TRIM33: variants seen among roughly 807,000 people sequenced by gnomAD.
TRIM33 encodes tripartite motif containing 33, also known as E3 ubiquitin-protein ligase TRIM33.
TRIM33 carries 20 observed loss-of-function variants against 125.4 expected under a neutral mutation model. The observed-to-expected ratio is 0.16, with a 90% CI of 0.11 to 0.23. TRIM33 has a LOEUF of 0.23. TRIM33 is among the 10% of genes least tolerant of loss of function. The pLI, the probability that TRIM33 is intolerant of heterozygous loss-of-function variation, is 1.00. For synonymous variants in TRIM33, 564 were observed against 513.9 expected (o/e 1.10, Z -1.32); for missense variants, 920 against 1,411.4 (o/e 0.65, Z 5.58).
At chr1:114,410,142 T>C (rs1652491960) in intron 12 of TRIM33, 42 bp downstream of exon 12, 1 of 1,610,866 alleles carries the variant, frequency 6.2e-7, no homozygotes, top group Non-Finnish European at 8.5e-7. Context: ...GACACTGTTT[T>C]TTTAAGGTGT....
At chr1:114,471,654 A>C (rs1230528660) in intron 1 of TRIM33, among the ~76,000 whole-genome samples, 1 of 152,148 alleles carries the variant, frequency 6.6e-6, no homozygotes, top group Non-Finnish European at 1.5e-5. Context: ...AGGTAAAACA[A>C]AAACAAACAG....
chr1:114,454,188 T>C lies in TRIM33; in HGVS notation c.923+8916A>G, dbSNP rs1449435983. ...GATCAATTGAATGACCCTGGCTTAC[T>C]AAAACAGGTGGTTTGCGAAGAGGGA... On this transcript the variant is annotated intron_variant, in intron 4 of 19. Transcript: ENST00000358465. Among the ~76,000 whole-genome samples the C allele has an allele frequency of 2.6e-5, 4 of 152,186 alleles. No homozygotes were observed. The East Asian group carries it at 7.7e-4, about 29-fold the overall frequency.
intron 4 of TRIM33, among the ~76,000 whole-genome samples, chr1:114,441,324 A>G (rs1032157432): frequency 6.6e-6 from 1 of 152,230 alleles, no homozygotes; most frequent in African/African-American, 2.4e-5. Flanking sequence ...TGTAGTCATT[A>G]TTTATATGAA....
Position 114,397,936 on chromosome 1 carries a change from T to C in TRIM33, c.3171+4A>G. Reference sequence around the variant, plus strand: ...ACCAAGTTTGCATGGTCTGAAAAGCTTACCTTCAAATTAATCTCTTGTGTG... The same window carrying C: ...ACCAAGTTTGCATGGTCTGAAAAGCCTACCTTCAAATTAATCTCTTGTGTG... On this transcript the variant is annotated splice_donor_region_variant and intron_variant, in intron 19 of 19. Coordinates refer to ENST00000358465, the MANE Select transcript of TRIM33 (RefSeq NM_015906.4). 1 of 1,613,916 alleles carries C rather than the reference T, an allele frequency of 6.2e-7. No individual in the cohort carries two copies. The highest frequency in any genetic ancestry group is 8.5e-7 in the Non-Finnish European group (1 of 1,179,914).
intron 4 of TRIM33, among the ~76,000 whole-genome samples, chr1:114,451,194 T>C (rs1417347697): frequency 6.6e-6 from 1 of 152,166 alleles, no homozygotes; most frequent in Non-Finnish European, 1.5e-5. Context: ...TCTGATTTTA[T>C]TTCTCCAGAG....
chr1:114,464,643 C>G (rs757298256), intron 1 of TRIM33, among the ~76,000 whole-genome samples: 1 of 152,102 alleles, frequency 6.6e-6, no homozygotes, highest in Non-Finnish European at 1.5e-5. Flanking sequence ...ATAATTGCCC[C>G]AAAAGAAATC....
At position 114,421,417 on chromosome 1, in the gene TRIM33, A is replaced by C. The variant is rs920497628; in HGVS notation, c.2061+19T>G. ...TTAACATTAAGTTTAATGAAGCCTC[A>C]TTCAACTCAAATACAAACCTGTATG... On this transcript the variant is annotated intron_variant, in intron 11 of 19. Coordinates refer to ENST00000358465, the MANE Select transcript of TRIM33 (RefSeq NM_015906.4). 1 of 1,607,044 alleles carries C rather than the reference A, an allele frequency of 6.2e-7. No homozygotes were observed. The highest frequency in any genetic ancestry group is 8.5e-7 in the Non-Finnish European group (1 of 1,173,676).
intron 1 of TRIM33, among the ~76,000 whole-genome samples, chr1:114,498,118 C>A: frequency 8.3e-6 from 1 of 121,136 alleles, no homozygotes; most frequent in African/African-American, 3.4e-5. Flanking sequence ...CAGACTGAGA[C>A]TCTGTCTCAA....
At chr1:114,469,217 G>C (rs1383657662) in intron 1 of TRIM33, 3 of 178,004 alleles carry the variant, frequency 1.7e-5, no homozygotes, top group Non-Finnish European at 3.7e-5. Flanking sequence ...ATAATCTGTT[G>C]CAAGTACAAA....
At chr1:114,495,863 T>C (rs1398717333) in intron 1 of TRIM33, among the ~76,000 whole-genome samples, 1 of 152,212 alleles carries the variant, frequency 6.6e-6, no homozygotes, top group Non-Finnish European at 1.5e-5. Context: ...TTTCAACAAA[T>C]ATCTGGTTTA....
In TRIM33 at chr1:114,427,311, T is replaced by C. The variant is rs752590444; in HGVS notation, c.1303-17A>G. 4 of 1,192,084 alleles carry C rather than the reference T, an allele frequency of 3.4e-6. No homozygotes were observed. In the South Asian group the frequency reaches 4.2e-5, roughly 12 times the overall value. 73.8% of individuals were successfully genotyped at this position (1,192,084 alleles called of 1,614,324 possible). A position where few individuals can be genotyped will look rare whatever the true frequency, so the allele number is the denominator to read the frequency against. On this transcript the variant is annotated splice_polypyrimidine_tract_variant and intron_variant, in intron 7 of 19. Coordinates refer to ENST00000358465, the MANE Select transcript of TRIM33 (RefSeq NM_015906.4). Reference sequence around the variant, plus strand: ...GAAAGTAATCTTAAAGGGAAAAAAATCCACATTAGTCTCAAAATTAAATAT... The same window carrying C: ...GAAAGTAATCTTAAAGGGAAAAAAACCCACATTAGTCTCAAAATTAAATAT...
rs144883699 is a variant in TRIM33 at position 114,425,640 on chromosome 1, T to C, written c.1504A>G (p.Ile502Val). The C allele has an allele frequency of 1.1e-5, 17 of 1,614,076 alleles. No individual in the cohort carries two copies. The highest frequency in any genetic ancestry group is 6.7e-5 in the Admixed American group (4 of 60,008). Residue 502 changes from isoleucine to valine, a missense_variant, in exon 9 of 20, where the codon ATT (isoleucine) becomes GTT (valine). By Grantham distance (29) the Ile-to-Val change is conservative. Coordinates refer to ENST00000358465, the MANE Select transcript of TRIM33 (RefSeq NM_015906.4). ...VGQVPPGTNH[I>V]SKTPGQINLA... ...TTAATCTGTCCAGGGGTTTTACTAATGTGGTTTGTCCCTGGAGGAACTTGC... is the reference window on the plus strand; with the variant it reads ...TTAATCTGTCCAGGGGTTTTACTAACGTGGTTTGTCCCTGGAGGAACTTGC...
intron 1 of TRIM33, among the ~76,000 whole-genome samples, chr1:114,482,436 A>T (rs1651416418): frequency 1.3e-5 from 2 of 152,210 alleles, no homozygotes; most frequent in African/African-American, 4.8e-5. Context: ...AAAACAACTG[A>T]TAAACAATTA....
chr1:114,452,503 G>A (rs1205910705), intron 4 of TRIM33, among the ~76,000 whole-genome samples: 2 of 151,724 alleles, frequency 1.3e-5, no homozygotes, highest in Non-Finnish European at 2.9e-5. Flanking sequence ...TATAACTACA[G>A]ATCTTCATAA....
intron 1 of TRIM33, among the ~76,000 whole-genome samples, chr1:114,468,008 T>C (rs375062533): frequency 2.6e-5 from 4 of 152,112 alleles, no homozygotes; most frequent in East Asian, 1.9e-4. Flanking sequence ...GAGAGTCCTG[T>C]GAGTTAAGTG....
At chr1:114,438,598 C>A (rs575575043) in intron 4 of TRIM33, among the ~76,000 whole-genome samples, 2 of 152,188 alleles carry the variant, frequency 1.3e-5, no homozygotes, top group African/African-American at 4.8e-5. Context: ...TCTCATTTAA[C>A]CTTTAGAAAA....
chr1:114,408,708 G>T lies in TRIM33; in HGVS notation c.2227C>A (p.Pro743Thr). Reference protein sequence around the residue: ...LSNSHTPVRPPSTSSTGSRGS... With the variant: ...LSNSHTPVRPTSTSSTGSRGS... ...CGACTGCCAGTACTAGAAGTACTTG[G>T]GGGTCTCACAGGTGTGTGAGAATTG... is the stretch of plus-strand genomic sequence containing the variant. Residue 743 changes from proline to threonine, a missense_variant, in exon 13 of 20, where the codon CCA (proline) becomes ACA (threonine). By Grantham distance (38) the Pro-to-Thr change is conservative. This residue lies in a region of TRIM33 where 407 missense variants were observed against 589.7 expected (regional missense o/e 0.69). Transcript: ENST00000358465. 1 of 1,604,942 alleles carries T rather than the reference G, an allele frequency of 6.2e-7. No homozygotes were observed. The highest frequency in any genetic ancestry group is 2.2e-5 in the East Asian group (1 of 44,726).
At position 114,475,544 on chromosome 1, in the gene TRIM33, G is replaced by A. The variant is rs568060114; in HGVS notation, c.527-11156C>T. On this transcript the variant is annotated intron_variant, in intron 1 of 19. Coordinates refer to ENST00000358465, the MANE Select transcript of TRIM33 (RefSeq NM_015906.4). ...AAAATACAAAAAAAATTAGCCAGGC[G>A]TGGTGACGGGCACCTGTAGTCCCAG... is the stretch of plus-strand genomic sequence containing the variant. 4.6e-5 allele frequency among the ~76,000 whole-genome samples: 7 copies of A among 152,220 alleles called. No homozygotes were observed. The East Asian group carries it at 5.8e-4, about 13-fold the overall frequency.
In TRIM33 at chr1:114,392,794, T is replaced by C. The variant is rs1651351115; in HGVS notation, c.*4854A>G. 1 of 177,948 alleles carries C rather than the reference T, an allele frequency of 5.6e-6. No homozygotes were observed. Among genetic ancestry groups the C allele is most frequent in the Admixed American group, 6.3e-5 (1 of 15,834 alleles). 11.0% of individuals were successfully genotyped at this position (177,948 alleles called of 1,614,324 possible). On this transcript the variant is annotated 3_prime_UTR_variant, in exon 20 of 20. Coordinates refer to ENST00000358465, the MANE Select transcript of TRIM33 (RefSeq NM_015906.4). ...AAAAGAAATTCATTTGAAAACTTTTTCAATTTTCTAATTTAATAGAAATAA... is the reference window on the plus strand; with the variant it reads ...AAAAGAAATTCATTTGAAAACTTTTCCAATTTTCTAATTTAATAGAAATAA...
Sources: allele counts gnomAD v4.1 joint callset (sites outside exome capture counted in the v4.1 genomes callset), GRCh38; gene constraint gnomAD v4.1.1; regional missense constraint gnomAD v4.1.1; transcripts MANE v1.5; gene names NCBI Gene and HGNC (gene_info 2026-07-23, HGNC 2026-07-21).